The following CACNA2D3 variants were observed in gnomAD, a reference collection of about 807,000 sequenced individuals.
CACNA2D3 encodes the protein voltage-dependent calcium channel subunit alpha-2/delta-3.
CACNA2D3 carries 60 observed loss-of-function variants against 160.6 expected under a neutral mutation model. The observed-to-expected ratio is 0.37, with a 90% confidence interval of 0.30 to 0.46. The LOEUF is 0.46. CACNA2D3 is among the 20% of genes least tolerant of loss of function. The probability of loss-of-function intolerance (pLI) is 1.00; values close to 1 mark genes in which losing one functional copy is unlikely to be tolerated. For missense variants in CACNA2D3, 1,205 were observed against 1,365.0 expected (o/e 0.88, Z 1.85); for synonymous variants, 558 against 492.9 (o/e 1.13, Z -1.75).
chr3:54,874,077 C>T (rs1699605257), intron 18 of CACNA2D3, among the ~76,000 whole-genome samples: 1 of 149,374 alleles, frequency 6.7e-6, no homozygotes, highest in African/African-American at 2.6e-5. Context: ...GTGAGTTCTA[C>T]TTCTCTAGGA....
intron 11 of CACNA2D3, among the ~76,000 whole-genome samples, chr3:54,737,505 A>T (rs1701558129): frequency 6.6e-6 from 1 of 152,160 alleles, no homozygotes; most frequent in Non-Finnish European, 1.5e-5. Context: ...ATTTTTTACA[A>T]GTCTAGCCTG....
In CACNA2D3 at chr3:55,039,633, TG is replaced by T. The variant is rs1703916003; in HGVS notation, c.2987+21319del. 2.0e-5 allele frequency among the ~76,000 whole-genome samples: 3 copies of T among 152,242 alleles called. No individual in the cohort carries two copies. The South Asian group carries it at 6.2e-4, about 32-fold the overall frequency. On this transcript the variant is annotated intron_variant, in intron 35 of 37. Transcript: ENST00000474759. ...CCTCATTAGTCTTTGATAATTTCCT[TG>T]GGTTCTGCATAACAAGATATTACAG...
chr3:54,648,050 A>G (rs1272537520), intron 11 of CACNA2D3, among the ~76,000 whole-genome samples: 2 of 152,194 alleles, frequency 1.3e-5, no homozygotes, highest in East Asian at 3.9e-4. Flanking sequence ...AAAAAAAAGG[A>G]AAAGTCATGG....
intron 2 of CACNA2D3, among the ~76,000 whole-genome samples, chr3:54,134,798 C>G (rs1268201818): frequency 6.6e-6 from 1 of 152,222 alleles, no homozygotes; most frequent in African/African-American, 2.4e-5. Context: ...CCATCTGGGT[C>G]AGCACGCTAG....
In CACNA2D3 at chr3:54,789,718, T is replaced by C. The variant is rs952800061; in HGVS notation, c.1380+25367T>C. The C allele has an allele frequency of 3.5e-5, 16 of 451,000 alleles. No individual in the cohort carries two copies. In the Admixed American group the frequency reaches 3.8e-4, roughly 11 times the overall value. The allele number at this position is 451,000 out of a possible 1,614,324, so 27.9% of individuals were successfully genotyped here. A position where few individuals can be genotyped will look rare whatever the true frequency, so the allele number is the denominator to read the frequency against. On this transcript the variant is annotated intron_variant, in intron 13 of 37. Transcript: ENST00000474759. ...TTAAACTGCTATTTAATTCTAGGTATATGAGTTGTCAGAGCTTTCTCTAAA... is the reference window on the plus strand; with the variant it reads ...TTAAACTGCTATTTAATTCTAGGTACATGAGTTGTCAGAGCTTTCTCTAAA...
intron 10 of CACNA2D3, among the ~76,000 whole-genome samples, chr3:54,633,945 C>T (rs1195383250): frequency 6.6e-6 from 1 of 152,166 alleles, no homozygotes; most frequent in Admixed American, 6.5e-5. Context: ...TGCCATGGTA[C>T]CCCGTGCGTG....
At chr3:54,532,476 C>T (rs138839049) in intron 5 of CACNA2D3, among the ~76,000 whole-genome samples, 7,536 of 152,282 alleles carry the variant, frequency 0.049, 267 homozygotes, top group South Asian at 0.11. Flanking sequence ...CCAATGTTTA[C>T]CATATCTATT....
At chr3:54,138,232 C>A (rs1226100502) in intron 2 of CACNA2D3, among the ~76,000 whole-genome samples, 2 of 152,220 alleles carry the variant, frequency 1.3e-5, no homozygotes, top group Non-Finnish European at 2.9e-5. Context: ...TTGCCTCTTC[C>A]TTTGCCAGCA....
Position 54,264,443 on chromosome 3 carries a change from G to A in CACNA2D3, c.205-55999G>A, listed in dbSNP as rs566212692. Among the ~76,000 whole-genome samples, 29 of 152,264 alleles carry A rather than the reference G, an allele frequency of 1.9e-4. No individual in the cohort carries two copies. The South Asian group carries it at 5.2e-3, about 27-fold the overall frequency. On this transcript the variant is annotated intron_variant, in intron 2 of 37. Coordinates refer to ENST00000474759, the MANE Select transcript of CACNA2D3 (RefSeq NM_018398.3). ...CAGCTTTGAACTCTAAGCTGCATTCGTTTTCCTGAAGGCTCAGATCAAGGG... is the reference window on the plus strand; with the variant it reads ...CAGCTTTGAACTCTAAGCTGCATTCATTTTCCTGAAGGCTCAGATCAAGGG...
intron 9 of CACNA2D3, among the ~76,000 whole-genome samples, chr3:54,598,533 G>T (rs1559522557): frequency 6.6e-6 from 1 of 151,984 alleles, no homozygotes; most frequent in Non-Finnish European, 1.5e-5. Flanking sequence ...CAGATGGTTC[G>T]AATACAGAAA....
chr3:54,465,343 A>C (rs1265844102), intron 4 of CACNA2D3, among the ~76,000 whole-genome samples: 1 of 152,212 alleles, frequency 6.6e-6, no homozygotes, highest in East Asian at 1.9e-4. Flanking sequence ...GAGAGCTAGC[A>C]AACAAGCACA....
chr3:54,455,383 T>A (rs1193406543), intron 4 of CACNA2D3, among the ~76,000 whole-genome samples: 1 of 152,180 alleles, frequency 6.6e-6, no homozygotes, highest in Non-Finnish European at 1.5e-5. Flanking sequence ...GTATGCCAGA[T>A]TATTTTGAGA....
At chr3:54,261,099 T>C (rs1214840503) in intron 2 of CACNA2D3, among the ~76,000 whole-genome samples, 3 of 152,232 alleles carry the variant, frequency 2.0e-5, no homozygotes, top group African/African-American at 7.2e-5. Flanking sequence ...TTATTTCTAT[T>C]AAGAATAAAT....
At position 54,694,095 on chromosome 3, in the gene CACNA2D3, T is replaced by G. The variant is rs1700617292; in HGVS notation, c.1167+51854T>G. ...ACTCACTAACTCACCTAGGGCAACT[T>G]CCAGTCCTGCAAGCTCCATTCATGG... On this transcript the variant is annotated intron_variant, in intron 11 of 37. Coordinates refer to ENST00000474759, the MANE Select transcript of CACNA2D3 (RefSeq NM_018398.3). Among the ~76,000 whole-genome samples, 3 of 152,330 alleles carry G rather than the reference T, an allele frequency of 2.0e-5. No homozygotes were observed. The South Asian group carries it at 6.2e-4, about 32-fold the overall frequency.
intron 9 of CACNA2D3, chr3:54,626,249 G>T: frequency 8.6e-7 from 1 of 1,161,542 alleles, no homozygotes. Flanking sequence ...CAGACCTTCC[G>T]CAGGTTCACC....
chr3:54,272,434 C>G (rs1702640406), intron 2 of CACNA2D3, among the ~76,000 whole-genome samples: 1 of 152,132 alleles, frequency 6.6e-6, no homozygotes. Context: ...ATGTCTTTAG[C>G]ATCAAATGTG....
At chr3:54,815,124 T>G (rs1323976738) in intron 13 of CACNA2D3, among the ~76,000 whole-genome samples, 2 of 152,332 alleles carry the variant, frequency 1.3e-5, no homozygotes, top group East Asian at 1.9e-4. Flanking sequence ...GTGGTCTATT[T>G]TTTTCTGAAC....
intron 2 of CACNA2D3, among the ~76,000 whole-genome samples, chr3:54,211,576 C>G (rs1701372172): frequency 6.6e-6 from 1 of 152,194 alleles, no homozygotes; most frequent in Admixed American, 6.5e-5. Context: ...CTGAATGACA[C>G]CATTACCTGC....
chr3:54,353,241 G>C (rs547688390), intron 3 of CACNA2D3, among the ~76,000 whole-genome samples: 3 of 152,288 alleles, frequency 2.0e-5, no homozygotes, highest in African/African-American at 7.2e-5. Context: ...TAGCAGTATA[G>C]TTAGGGAAGC....
Sources: gnomAD v4.1 joint callset for allele counts (sites outside exome capture counted in the v4.1 genomes callset) on GRCh38, gnomAD v4.1.1 for gene constraint, MANE v1.5 for transcripts, NCBI Gene and HGNC (gene_info 2026-07-23, HGNC 2026-07-21) for gene names.